Variants in GRID2 observed in about 807,000 individuals in gnomAD.
GRID2 encodes glutamate receptor ionotropic, delta-2.
Under a neutral mutation model 114.8 loss-of-function variants are expected in GRID2, and 33 were observed. The observed-to-expected ratio is 0.29, with a 90% CI of 0.22 to 0.38. The LOEUF (loss-of-function observed/expected upper bound fraction) is 0.38. GRID2 is among the 10% of genes least tolerant of loss of function. The pLI is 1.00. For missense variants in GRID2, 1,184 were observed against 1,257.7 expected (o/e 0.94, Z 0.89); for synonymous variants, 505 against 449.9 (o/e 1.12, Z -1.55).
chr4:93,012,880 T>G (rs1560794709), intron 2 of GRID2, among the ~76,000 whole-genome samples: 1 of 152,012 alleles, frequency 6.6e-6, no homozygotes. Flanking sequence ...CGTGGGAATA[T>G]ATATGACATA....
chr4:92,480,582 A>G (rs2149104181), intron 1 of GRID2, among the ~76,000 whole-genome samples: 1 of 152,238 alleles, frequency 6.6e-6, no homozygotes, highest in East Asian at 1.9e-4. Context: ...TAGAAGTCCA[A>G]AATTCAAACT....
intron 2 of GRID2, among the ~76,000 whole-genome samples, chr4:92,763,710 G>A (rs910894218): frequency 1.3e-5 from 2 of 152,086 alleles, no homozygotes; most frequent in South Asian, 2.1e-4. Context: ...GTGGGGATAC[G>A]AATTAAGTGA....
At chr4:93,184,978 G>A (rs1171766929) in intron 4 of GRID2, among the ~76,000 whole-genome samples, 1 of 152,148 alleles carries the variant, frequency 6.6e-6, no homozygotes, top group African/African-American at 2.4e-5. Context: ...TCTACCATGA[G>A]TAATTCAGTA....
At chr4:93,681,665 A>G (rs1725554953) in intron 14 of GRID2, among the ~76,000 whole-genome samples, 1 of 152,238 alleles carries the variant, frequency 6.6e-6, no homozygotes. Flanking sequence ...ACCTGACAAA[A>G]ACAACCAATG....
intron 8 of GRID2, among the ~76,000 whole-genome samples, chr4:93,361,240 G>A (rs1257882803): frequency 6.6e-6 from 1 of 152,006 alleles, no homozygotes; most frequent in Non-Finnish European, 1.5e-5. Flanking sequence ...TATGTAAGTT[G>A]TTCAAAGTCA....
intron 1 of GRID2, among the ~76,000 whole-genome samples, chr4:93,783,886 A>C (rs369719872): frequency 1.3e-5 from 2 of 151,054 alleles, no homozygotes; most frequent in African/African-American, 2.4e-5. Flanking sequence ...TCCCGGCTAA[A>C]ACGGTGAAAC....
intron 1 of GRID2, among the ~76,000 whole-genome samples, chr4:92,500,404 T>C (rs1723625353): frequency 1.3e-5 from 2 of 152,166 alleles, no homozygotes; most frequent in Non-Finnish European, 2.9e-5. Flanking sequence ...AAACATATTT[T>C]TATTCACATT....
At chr4:93,058,553 A>T (rs1727480670) in intron 2 of GRID2, among the ~76,000 whole-genome samples, 1 of 151,898 alleles carries the variant, frequency 6.6e-6, no homozygotes, top group East Asian at 1.9e-4. Context: ...ACACCATTGA[A>T]ATTGGTAATC....
chr4:93,320,095 C>T (rs1024823971), intron 8 of GRID2, among the ~76,000 whole-genome samples: 6 of 151,956 alleles, frequency 3.9e-5, no homozygotes, highest in African/African-American at 1.4e-4. Context: ...AGCATCTGAA[C>T]AAACAAAAGG....
intron 7 of GRID2, among the ~76,000 whole-genome samples, chr4:93,232,686 A>T (rs1034329045): frequency 6.6e-6 from 1 of 151,744 alleles, no homozygotes; most frequent in African/African-American, 2.4e-5. Flanking sequence ...TTTATGCAAT[A>T]TGTCAAATAT....
intron 2 of GRID2, among the ~76,000 whole-genome samples, chr4:92,975,156 C>CAAAAGAAAAAAAAAAA (rs1753785267): frequency 4.3e-5 from 2 of 46,692 alleles, no homozygotes; most frequent in African/African-American, 9.8e-5. Flanking sequence ...GATTCCGCCT[C>CAAAAGAAAAAAAAAAA]AAAAAAAAAA....
chr4:92,537,785 GTGTGTGTGT>G (rs1193384742), intron 1 of GRID2, among the ~76,000 whole-genome samples: 32 of 57,524 alleles, frequency 5.6e-4, no homozygotes, highest in African/African-American at 3.6e-3. Context: ...AAAACTTGCG[GTGTGTGTGT>G]GTGTGTGTGT....
chr4:92,585,655 A>G (rs1030496266), intron 1 of GRID2, among the ~76,000 whole-genome samples: 1 of 151,966 alleles, frequency 6.6e-6, no homozygotes, highest in Non-Finnish European at 1.5e-5. Flanking sequence ...TCTTCAAGAT[A>G]TATCAAATTT....
intron 8 of GRID2, among the ~76,000 whole-genome samples, chr4:93,371,997 C>T (rs1430888197): frequency 1.3e-5 from 2 of 151,956 alleles, no homozygotes; most frequent in Admixed American, 6.6e-5. Context: ...CTGCCAGCCT[C>T]GGCCTCCCAA....
At chr4:92,459,907 G>A (rs1036588798) in intron 1 of GRID2, among the ~76,000 whole-genome samples, 11 of 150,456 alleles carry the variant, frequency 7.3e-5, no homozygotes, top group Non-Finnish European at 1.3e-4. Context: ...AGAGAATTCT[G>A]CCAGCAGCCT....
intron 1 of GRID2, among the ~76,000 whole-genome samples, chr4:92,321,210 A>G (rs2110126940): frequency 6.6e-6 from 1 of 152,222 alleles, no homozygotes; most frequent in Non-Finnish European, 1.5e-5. Context: ...TTAGAACCAA[A>G]CTAAAGGAAT....
chr4:93,254,312 A>G (rs1455617530), intron 8 of GRID2, among the ~76,000 whole-genome samples: 1 of 152,160 alleles, frequency 6.6e-6, no homozygotes, highest in Admixed American at 6.5e-5. Flanking sequence ...CATTTTTAAC[A>G]TAATTCCACA....
At chr4:93,572,807 G>A (rs1578290291) in intron 13 of GRID2, among the ~76,000 whole-genome samples, 3 of 152,054 alleles carry the variant, frequency 2.0e-5, no homozygotes, top group South Asian at 2.1e-4. Flanking sequence ...AATATGGAGA[G>A]AGGGGTTGCC....
chr4:93,015,229 A>G (rs948181324), intron 2 of GRID2, among the ~76,000 whole-genome samples: 1 of 152,144 alleles, frequency 6.6e-6, no homozygotes, highest in Non-Finnish European at 1.5e-5. Context: ...GTAATGGGCC[A>G]AAAATGGAAC....
Sources: allele counts gnomAD v4.1 joint callset (sites outside exome capture counted in the v4.1 genomes callset), GRCh38; gene constraint gnomAD v4.1.1; transcripts MANE v1.5; gene names NCBI Gene and HGNC (gene_info 2026-07-23, HGNC 2026-07-21).